Variants in CSRP2 observed in about 807,000 individuals in gnomAD.
The protein encoded by CSRP2 is cysteine and glycine-rich protein 2.
CSRP2 carries 18 observed loss-of-function variants against 24.6 expected under a neutral mutation model. The ratio of observed to expected loss-of-function variants is 0.73; its 90% CI spans 0.51 to 1.09. The LOEUF (loss-of-function observed/expected upper bound fraction) is 1.09. Ranked by LOEUF, CSRP2 falls within the 50% of genes least tolerant of loss-of-function variation. The pLI is 0.00. For missense variants in CSRP2, 215 were observed against 239.4 expected, an observed-to-expected ratio of 0.90 and a Z score of 0.67; for synonymous variants, 87 against 84.3, an observed-to-expected ratio of 1.03 and a Z score of -0.18.
chr12:76,864,756 T>G (rs1953718863), intron 2 of CSRP2: 1 of 152,074 alleles, frequency 6.6e-6, no homozygotes. Context: ...TAAACTAAAG[T>G]CTTCTATGGT....
chr12:76,870,535 T>C (rs1446942508), intron 1 of CSRP2, among the ~76,000 whole-genome samples: 10 of 152,192 alleles, frequency 6.6e-5, no homozygotes, highest in Non-Finnish European at 8.8e-5. Context: ...GGACCACATC[T>C]CTGTATTCTC....
chr12:76,867,600 C>T (rs1425771722), intron 1 of CSRP2, among the ~76,000 whole-genome samples: 1 of 152,172 alleles, frequency 6.6e-6, no homozygotes, highest in Non-Finnish European at 1.5e-5. Flanking sequence ...GTTATGTCTG[C>T]CCTGCCCTGA....
chr12:76,862,769 A>T, intron 3 of CSRP2: 1 of 1,374,558 alleles, frequency 7.3e-7, no homozygotes, highest in Non-Finnish European at 9.4e-7. Flanking sequence ...AAAAATGTTT[A>T]CATAGAAGGA....
chr12:76,866,881 C>T (rs1226387487), intron 1 of CSRP2, among the ~76,000 whole-genome samples: 11 of 152,124 alleles, frequency 7.2e-5, no homozygotes, highest in Non-Finnish European at 1.3e-4. Flanking sequence ...GAACTTTTGC[C>T]GTAACCACAA....
At chr12:76,866,579 A>C (rs1953738444) in intron 1 of CSRP2, among the ~76,000 whole-genome samples, 1 of 152,178 alleles carries the variant, frequency 6.6e-6, no homozygotes. Flanking sequence ...TTAAGAAAGA[A>C]GCGTGGGGAG....
At chr12:76,873,038 T>C (rs2137836571) in intron 1 of CSRP2, among the ~76,000 whole-genome samples, 1 of 152,370 alleles carries the variant, frequency 6.6e-6, no homozygotes, top group Middle Eastern at 3.4e-3. Context: ...GAAATTCAAA[T>C]CTATATGTTA....
At chr12:76,860,650 A>G in intron 3 of CSRP2, 1 of 383,600 alleles carries the variant, frequency 2.6e-6, no homozygotes, top group East Asian at 4.1e-5. Context: ...TAGGGACCCA[A>G]ACGTAAAGAT....
chr12:76,867,704 T>C (rs759548850), intron 1 of CSRP2, among the ~76,000 whole-genome samples: 7 of 152,202 alleles, frequency 4.6e-5, no homozygotes, highest in Non-Finnish European at 7.3e-5. Context: ...CCTTGCCTGT[T>C]AGGTCTCCTT....
intron 3 of CSRP2, chr12:76,862,740 G>A: frequency 7.6e-7 from 1 of 1,323,098 alleles, no homozygotes; most frequent in African/African-American, 1.5e-5. Context: ...TTAAGTTAGA[G>A]AAAAGTGATT....
chr12:76,863,202 G>A lies in CSRP2; in HGVS notation c.255C>T (p.Gly85=), dbSNP rs1443136627. The A allele has an allele frequency of 4.3e-6, 7 of 1,613,584 alleles. No individual in the cohort carries two copies. Among genetic ancestry groups the A allele is most frequent in the Admixed American group, 1.7e-5 (1 of 59,990 alleles). ...TCTCTGGTTTGATGCCCAGCCTCTC[G>A]CCACGGTCCATGTTAAGCGTGCCAG... ...QGAGTLNMDR[G]ERLGIKPESV... The change falls in exon 3 of 6, where the codon GGC becomes GGT. Residue 85 remains glycine (G), a synonymous_variant. Coordinates refer to ENST00000311083, the MANE Select transcript of CSRP2 (RefSeq NM_001321.3).
chr12:76,859,517 A>G, intron 5 of CSRP2, 30 bp downstream of exon 5: 1 of 1,431,198 alleles, frequency 7.0e-7, no homozygotes, highest in Non-Finnish European at 9.8e-7. Flanking sequence ...GAATATTCAT[A>G]TGGACAGCAG....
At chr12:76,866,381 T>C (rs562029782) in intron 1 of CSRP2, 120 bp from the exon 2 acceptor site, 15 of 636,862 alleles carry the variant, frequency 2.4e-5, no homozygotes, top group East Asian at 1.4e-4. Flanking sequence ...TCTAACCACA[T>C]CTTTCAAAGG....
chr12:76,873,112 A>C (rs1953818057), intron 1 of CSRP2, among the ~76,000 whole-genome samples: 1 of 152,214 alleles, frequency 6.6e-6, no homozygotes, highest in African/African-American at 2.4e-5. Context: ...TCTATATTCT[A>C]TATTTGCCCA....
At chr12:76,861,471 G>A (rs578033096) in intron 3 of CSRP2, 1 of 151,844 alleles carries the variant, frequency 6.6e-6, no homozygotes, top group African/African-American at 2.4e-5. Flanking sequence ...ATCTGGTTTG[G>A]ATTGAGGGAG....
chr12:76,865,482 A>G (rs933478875), intron 2 of CSRP2, among the ~76,000 whole-genome samples: 19 of 152,206 alleles, frequency 1.2e-4, no homozygotes, highest in African/African-American at 4.3e-4. Context: ...GCTGGCTCCA[A>G]TGAGGGAAAA....
At chr12:76,864,621 TTAAAAG>T (rs1218743069) in intron 2 of CSRP2, 4 of 133,974 alleles carry the variant, frequency 3.0e-5, no homozygotes, top group Non-Finnish European at 4.8e-5. Flanking sequence ...CCCATAAAAA[TTAAAAG>T]TAAGAAAAAT....
chr12:76,868,567 T>G (rs1450588821), intron 1 of CSRP2, among the ~76,000 whole-genome samples: 1 of 152,234 alleles, frequency 6.6e-6, no homozygotes, highest in Admixed American at 6.5e-5. Flanking sequence ...ATTAAACCTC[T>G]TTCCTTTATA....
intron 3 of CSRP2, chr12:76,861,176 C>G (rs911114958): frequency 4.6e-5 from 7 of 150,674 alleles, no homozygotes; most frequent in Non-Finnish European, 7.4e-5. Context: ...TTTTTTTAAG[C>G]CCTCTTAGAA....
intron 1 of CSRP2, among the ~76,000 whole-genome samples, chr12:76,876,033 C>T (rs1403672631): frequency 6.6e-6 from 1 of 152,126 alleles, no homozygotes; most frequent in Admixed American, 6.5e-5. Flanking sequence ...GATGTAGTAC[C>T]GACCTCCATG....
Sources: allele counts gnomAD v4.1 joint callset (sites outside exome capture counted in the v4.1 genomes callset), GRCh38; gene constraint gnomAD v4.1.1; transcripts MANE v1.5; gene names NCBI Gene and HGNC (gene_info 2026-07-23, HGNC 2026-07-21).